Variants in IL24 observed in about 807,000 individuals in gnomAD.
IL24 encodes the protein interleukin 24.
In IL24, 24 loss-of-function variants were observed where a neutral mutation model predicts 27.6. The observed-to-expected ratio is 0.87, with a 90% CI of 0.63 to 1.22. The LOEUF is 1.22. Ranked by LOEUF, IL24 falls within the 50% of genes most tolerant of loss-of-function variation. The pLI, the probability that IL24 is intolerant of heterozygous loss-of-function variation, is 0.00. For synonymous variants in IL24, 99 were observed against 93.1 expected (o/e 1.06, Z -0.36); for missense variants, 240 against 237.0 (o/e 1.01, Z -0.08).
At chr1:206,899,254 T>A in intron 2 of IL24, 66 bp from the exon 3 acceptor site, 1 of 1,524,964 alleles carries the variant, frequency 6.6e-7, no homozygotes, top group Non-Finnish European at 9.0e-7. Context: ...TCGGAGCATT[T>A]TCCCAGGGCA....
chr1:206,901,181 G>A (rs1678360962), intron 4 of IL24, among the ~76,000 whole-genome samples: 1 of 152,202 alleles, frequency 6.6e-6, no homozygotes, highest in Non-Finnish European at 1.5e-5. Flanking sequence ...AAGAGGCCAT[G>A]TGGCATAGAA....
At chr1:206,901,859 G>A in intron 5 of IL24, 139 bp from the exon 6 acceptor site, 2 of 923,044 alleles carry the variant, frequency 2.2e-6, no homozygotes, top group South Asian at 3.3e-5. Context: ...TTTGGTATTG[G>A]TTACCTTGGG....
In IL24 at chr1:206,897,998, C is replaced by CAA. The variant is rs3093418; in HGVS notation, c.44+130_44+131dup. The stretch of plus-strand genomic sequence containing the variant: ...TGAAACCCTGTCTCTACTAAAAATA[C>CAA]AAAAAAAAATTAGTTGGGCATGTGT... On this transcript the variant is annotated intron_variant, in intron 2 of 6. Transcript: ENST00000294984. The CAA allele has an allele frequency of 5.1e-4, 272 of 534,442 alleles. 1 individual carries two copies. The highest frequency in any genetic ancestry group is 3.4e-3 in the East Asian group (94 of 27,896). 33.1% of individuals were successfully genotyped at this position (534,442 alleles called of 1,614,324 possible).
At chr1:206,902,867 G>A in intron 6 of IL24, 109 bp from the exon 7 acceptor site, 1 of 1,589,174 alleles carries the variant, frequency 6.3e-7, no homozygotes, top group Non-Finnish European at 8.6e-7. Flanking sequence ...CATCCCAAAG[G>A]TGACCCATCC....
In IL24 at chr1:206,900,346, C is replaced by T; in HGVS notation, c.292C>T (p.Gln98Ter). 1 of 1,614,058 alleles carries T rather than the reference C, an allele frequency of 6.2e-7. No homozygotes were observed. Among genetic ancestry groups the T allele is most frequent in the East Asian group, 2.2e-5 (1 of 44,858 alleles). Residue 98 changes from glutamine to a stop codon, truncating the protein, a stop_gained, in exon 4 of 7, where the codon CAG becomes TAG. Transcript: ENST00000294984. LOFTEE classifies it high-confidence loss of function. ...SARLLQQEVL[Q>*]NVSDAESCYL... ...CCGGCTGCTGCAGCAGGAGGTTCTGCAGAACGTCTCGGTAATCAGACCTCG... is the reference window on the plus strand; with the variant it reads ...CCGGCTGCTGCAGCAGGAGGTTCTGTAGAACGTCTCGGTAATCAGACCTCG...
At chr1:206,898,927 T>A (rs1016243852) in intron 2 of IL24, among the ~76,000 whole-genome samples, 6 of 152,176 alleles carry the variant, frequency 3.9e-5, no homozygotes, top group African/African-American at 1.4e-4. Flanking sequence ...CTAGTTCAGC[T>A]CTTTGTTTTC....
rs780353143 is a variant in IL24 at position 206,900,323 on chromosome 1, G to A, written c.269G>A (p.Arg90Gln). The A allele has an allele frequency of 1.9e-5, 31 of 1,613,860 alleles. No individual in the cohort carries two copies. The highest frequency in any genetic ancestry group is 1.7e-4 in the Middle Eastern group (1 of 6,060). ...GCTCAGGATAACATCACGAGTGCCCGGCTGCTGCAGCAGGAGGTTCTGCAG... is the reference window on the plus strand; with the variant it reads ...GCTCAGGATAACATCACGAGTGCCCAGCTGCTGCAGCAGGAGGTTCTGCAG... Reference protein sequence around the residue: ...MQAQDNITSARLLQQEVLQNV... With the variant: ...MQAQDNITSAQLLQQEVLQNV... Residue 90 changes from arginine (R) to glutamine (Q), a missense_variant, in exon 4 of 7, where the codon CGG becomes CAG. Arg to Gln is a conservative substitution (Grantham distance 43). Coordinates refer to ENST00000294984, the MANE Select transcript of IL24 (RefSeq NM_006850.3).
chr1:206,901,686 T>G, intron 5 of IL24, 34 bp downstream of exon 5: 1 of 1,581,096 alleles, frequency 6.3e-7, no homozygotes, highest in Non-Finnish European at 8.7e-7. Flanking sequence ...CTGGCAGCTC[T>G]GGGTTCAAGT....
Position 206,903,223 on chromosome 1 carries a change from C to G in IL24, c.*164C>G. On this transcript the variant is annotated 3_prime_UTR_variant, in exon 7 of 7. Coordinates refer to ENST00000294984, the MANE Select transcript of IL24 (RefSeq NM_006850.3). ...AAAGAAGTCATTCTTTAAGCAGCGC[C>G]AGTGACAGTCAGGGAAGGTGCCTCT... 1.6e-6 allele frequency: 1 copy of G among 617,828 alleles called. No homozygotes were observed. Among genetic ancestry groups the G allele is most frequent in the Non-Finnish European group, 2.9e-6 (1 of 344,520 alleles). The allele number at this position is 617,828 out of a possible 1,614,324, so 38.3% of individuals were successfully genotyped here. A position where few individuals can be genotyped will look rare whatever the true frequency, so the allele number is the denominator to read the frequency against.
In IL24 at chr1:206,900,366, A is replaced by C; in HGVS notation, c.303+9A>C. On this transcript the variant is annotated intron_variant, in intron 4 of 6. Coordinates refer to ENST00000294984, the MANE Select transcript of IL24 (RefSeq NM_006850.3). ...TTCTGCAGAACGTCTCGGTAATCAG[A>C]CCTCGGGGACACCACCCTCTGTGGG... 1 of 1,613,396 alleles carries C rather than the reference A, an allele frequency of 6.2e-7. No individual in the cohort carries two copies. Among genetic ancestry groups the C allele is most frequent in the Non-Finnish European group, 8.5e-7 (1 of 1,179,502 alleles).
intron 5 of IL24, 146 bp downstream of exon 5, chr1:206,901,798 G>T (rs1678394066): frequency 1.7e-5 from 15 of 859,860 alleles, no homozygotes; most frequent in Non-Finnish European, 2.4e-5. Flanking sequence ...CTCCTGCCTG[G>T]CAGGATTGCT....
chr1:206,903,321 A>C lies in IL24; in HGVS notation c.*262A>C. 2.5e-6 allele frequency: 1 copy of C among 393,296 alleles called. No individual in the cohort carries two copies. The highest frequency in any genetic ancestry group is 4.7e-6 in the Non-Finnish European group (1 of 214,880). The allele number at this position is 393,296 out of a possible 1,614,324, so 24.4% of individuals were successfully genotyped here. A position where few individuals can be genotyped will look rare whatever the true frequency, so the allele number is the denominator to read the frequency against. On this transcript the variant is annotated 3_prime_UTR_variant, in exon 7 of 7. Transcript: ENST00000294984. ...TCTATTTAATTAATGTCAGTATTTC[A>C]ACTGAAGTTCTATTTATTTGTGAGA...
In IL24 at chr1:206,903,166, A is replaced by G. The variant is rs1678466987; in HGVS notation, c.*107A>G. 2.0e-5 allele frequency: 19 copies of G among 931,634 alleles called. No individual in the cohort carries two copies. In the South Asian group the frequency reaches 2.6e-4, roughly 13 times the overall value. 57.7% of individuals were successfully genotyped at this position (931,634 alleles called of 1,614,324 possible). Reference sequence around the variant, plus strand: ...CACTGGACACTTCACGCCCTTGGCCATGGGTCCCATTCTTGGCCCAGGATT... The same window carrying G: ...CACTGGACACTTCACGCCCTTGGCCGTGGGTCCCATTCTTGGCCCAGGATT... On this transcript the variant is annotated 3_prime_UTR_variant, in exon 7 of 7. Transcript: ENST00000294984.
At chr1:206,902,451 G>C (rs1678429100) in intron 6 of IL24, 1 of 974,356 alleles carries the variant, frequency 1.0e-6, no homozygotes, top group Non-Finnish European at 1.2e-6. Context: ...TGCTCAACTG[G>C]TCTAGTTGTG....
chr1:206,902,103 C>G, intron 6 of IL24, 31 bp downstream of exon 6: 1 of 1,613,506 alleles, frequency 6.2e-7, no homozygotes. Context: ...CTTGCCCATC[C>G]AGCAGAATAG....
Position 206,901,873 on chromosome 1 carries a change from T to G in IL24, c.463-125T>G, listed in dbSNP as rs1306350536. ...GTTTGGTATTGGTTACCTTGGGGAA[T>G]GCAGGATTCAGCCCTGGGCTCTCAG... On this transcript the variant is annotated intron_variant, in intron 5 of 6. Coordinates refer to ENST00000294984, the MANE Select transcript of IL24 (RefSeq NM_006850.3). 5.0e-6 allele frequency: 5 copies of G among 997,126 alleles called. No individual in the cohort carries two copies. The Admixed American group carries it at 1.1e-4, about 22-fold the overall frequency. The allele number at this position is 997,126 out of a possible 1,614,324, so 61.8% of individuals were successfully genotyped here. A position where few individuals can be genotyped will look rare whatever the true frequency, so the allele number is the denominator to read the frequency against.
In IL24 at chr1:206,903,407, C is replaced by T. The variant is rs1368059192; in HGVS notation, c.*348C>T. 4 of 224,172 alleles carry T rather than the reference C, an allele frequency of 1.8e-5. No individual in the cohort carries two copies. Among genetic ancestry groups the T allele is most frequent in the East Asian group, 1.1e-4 (1 of 9,336 alleles). 13.9% of individuals were successfully genotyped at this position (224,172 alleles called of 1,614,324 possible). ...CCATGCTTCTTTACCCCTCACAATC[C>T]TTGCCACAGTGTGGGGCAGTGGATG... On this transcript the variant is annotated 3_prime_UTR_variant, in exon 7 of 7. Transcript: ENST00000294984.
intron 6 of IL24, chr1:206,902,360 T>G: frequency 1.0e-6 from 1 of 985,358 alleles, no homozygotes; most frequent in African/African-American, 1.7e-5. Flanking sequence ...GCTGGGCAAC[T>G]GAAGTCAGAA....
chr1:206,901,848 G>A, intron 5 of IL24, 150 bp from the exon 6 acceptor site: 2 of 868,956 alleles, frequency 2.3e-6, no homozygotes, highest in East Asian at 2.6e-5. Flanking sequence ...CAAGGTGGGA[G>A]TTTGGTATTG....
Sources: gnomAD v4.1 joint callset for allele counts (sites outside exome capture counted in the v4.1 genomes callset) on GRCh38, gnomAD v4.1.1 for gene constraint, MANE v1.5 for transcripts, NCBI Gene and HGNC (gene_info 2026-07-23, HGNC 2026-07-21) for gene names.